The following KNG1 variants were observed in gnomAD, a reference collection of about 807,000 sequenced individuals.
KNG1 encodes the protein kininogen-1.
Under a neutral mutation model 47.8 loss-of-function variants are expected in KNG1, and 23 were observed. The observed-to-expected ratio is 0.48, with a 90% CI of 0.35 to 0.68. The LOEUF is 0.68. KNG1 is among the 30% of genes least tolerant of loss of function. The pLI is 0.01. For missense variants in KNG1, 762 were observed against 790.2 expected, an observed-to-expected ratio of 0.96 and a Z score of 0.43; for synonymous variants, 277 against 277.0, an observed-to-expected ratio of 1.00 and a Z score of 0.00.
chr3:186,735,537 A>G (rs1720650480), intron 7 of KNG1, among the ~76,000 whole-genome samples: 1 of 151,848 alleles, frequency 6.6e-6, no homozygotes, highest in South Asian at 2.1e-4. Flanking sequence ...AGAATCACTT[A>G]AACTCGGGAG....
rs1182343790 is a variant in KNG1 at position 186,725,631 on chromosome 3, G to A, written c.564+371G>A. On this transcript the variant is annotated intron_variant, in intron 4 of 9. Transcript: ENST00000644859. Reference sequence around the variant, plus strand: ...GCGATCTCGGCTCACTGCAAGCTCCGCCTCCTGGGTTCAGGCCATTCTCCT... The same window carrying A: ...GCGATCTCGGCTCACTGCAAGCTCCACCTCCTGGGTTCAGGCCATTCTCCT... 1.4e-4 allele frequency among the ~76,000 whole-genome samples: 20 copies of A among 143,244 alleles called. No individual in the cohort carries two copies. In the Admixed American group the frequency reaches 1.5e-3, roughly 11 times the overall value. The allele number at this position is 143,244 out of a possible 152,430, so 94.0% of individuals were successfully genotyped here.
intron 5 of KNG1, among the ~76,000 whole-genome samples, chr3:186,730,683 A>AATATAT (rs200151975): frequency 2.6e-5 from 1 of 39,144 alleles, no homozygotes; most frequent in Non-Finnish European, 4.4e-5. Flanking sequence ...AAAAAAAAAA[A>AATATAT]ATATATATAT....
At position 186,742,379 on chromosome 3, in the gene KNG1, A is replaced by ATCCC; in HGVS notation, c.*51_*54dup. 1 of 1,607,804 alleles carries ATCCC rather than the reference A, an allele frequency of 6.2e-7. No homozygotes were observed. The highest frequency in any genetic ancestry group is 1.1e-5 in the South Asian group (1 of 90,788). ...TTTCATACTTTATTAAAGTATCAAT[A>ATCCC]TCCCTCTCTCCATTGTCCAGATGAA... On this transcript the variant is annotated 3_prime_UTR_variant, in exon 10 of 10. Transcript: ENST00000644859.
chr3:186,742,200 C>G lies in KNG1; in HGVS notation c.1804C>G (p.Pro602Ala), dbSNP rs769933064. The change falls in exon 10 of 10, where the codon CCA (proline) becomes GCA (alanine). Residue 602 changes from proline (P) to alanine (A), a missense_variant. Coordinates refer to ENST00000644859, the MANE Select transcript of KNG1 (RefSeq NM_001102416.3). ...AGACCCAAATGGCCTTTCATTTAACCCAATATCAGATTTTCCAGACACGAC... is the reference window on the plus strand; with the variant it reads ...AGACCCAAATGGCCTTTCATTTAACGCAATATCAGATTTTCCAGACACGAC... Reference protein sequence around the residue: ...QIDPNGLSFNPISDFPDTTSP... With the variant: ...QIDPNGLSFNAISDFPDTTSP... The G allele has an allele frequency of 3.7e-6, 6 of 1,614,012 alleles. No individual in the cohort carries two copies. In the Admixed American group the frequency reaches 6.7e-5, roughly 18 times the overall value.
chr3:186,740,644 G>A (rs1720786600), intron 9 of KNG1, among the ~76,000 whole-genome samples: 1 of 152,156 alleles, frequency 6.6e-6, no homozygotes, highest in Non-Finnish European at 1.5e-5. Context: ...TTGGTCTTTT[G>A]TCATGTGTAG....
In KNG1 at chr3:186,742,688, A is replaced by G. The variant is rs1389587502; in HGVS notation, c.*357A>G. ...CATACAAAGATTCTTGTCATTCTTA[A>G]TAAACTGTGGCACTTGGTATTTGAA... On this transcript the variant is annotated 3_prime_UTR_variant, in exon 10 of 10. Transcript: ENST00000644859. 1 of 1,060,068 alleles carries G rather than the reference A, an allele frequency of 9.4e-7. No homozygotes were observed. The highest frequency in any genetic ancestry group is 5.0e-5 in the Admixed American group (1 of 20,136). 65.7% of individuals were successfully genotyped at this position (1,060,068 alleles called of 1,614,324 possible). A position where few individuals can be genotyped will look rare whatever the true frequency, so the allele number is the denominator to read the frequency against.
At chr3:186,732,433 G>T in intron 6 of KNG1, 69 bp from the exon 7 acceptor site, 5 of 1,447,856 alleles carry the variant, frequency 3.5e-6, no homozygotes, top group Non-Finnish European at 4.9e-6. Context: ...GCTGGTTCTT[G>T]TGCAGGAGGG....
chr3:186,719,705 G>T (rs1469265405), intron 1 of KNG1, among the ~76,000 whole-genome samples: 1 of 150,898 alleles, frequency 6.6e-6, no homozygotes, highest in Non-Finnish European at 1.5e-5. Context: ...CTCCAGCCTG[G>T]GCGACAGAGC....
intron 6 of KNG1, 132 bp downstream of exon 6, chr3:186,731,761 T>A: frequency 2.9e-6 from 2 of 700,922 alleles, no homozygotes; most frequent in South Asian, 3.0e-5. Flanking sequence ...CAGACACAGA[T>A]GCACCCCTTG....
In KNG1 at chr3:186,730,728, A is replaced by G. The variant is rs1455185305; in HGVS notation, c.673-817A>G. On this transcript the variant is annotated intron_variant, in intron 5 of 9. Transcript: ENST00000644859. Reference sequence around the variant, plus strand: ...TATATATATATATACACACACACACACATATATATATACACATATATATAT... The same window carrying G: ...TATATATATATATACACACACACACGCATATATATATACACATATATATAT... Among the ~76,000 whole-genome samples, 8 of 53,060 alleles carry G rather than the reference A, an allele frequency of 1.5e-4. No individual in the cohort carries two copies. The East Asian group carries it at 4.5e-3, about 30-fold the overall frequency. The allele number at this position is 53,060 out of a possible 152,430, so 34.8% of individuals were successfully genotyped here. A position where few individuals can be genotyped will look rare whatever the true frequency, so the allele number is the denominator to read the frequency against.
rs370984596 is a variant in KNG1, at chr3:186,725,092, G to A, written c.396G>A (p.Glu132=). The change falls in exon 4 of 10, where the codon GAG becomes GAA. Residue 132 remains glutamate, a synonymous_variant. Coordinates refer to ENST00000644859, the MANE Select transcript of KNG1 (RefSeq NM_001102416.3). ...ATQTCQITPA[E]GPVVTAQYDC... ...TTTTGTCTGCTCTTTGTTAAGCCGAGGGCCCTGTGGTGACAGCCCAGTACG... is the reference window on the plus strand; with the variant it reads ...TTTTGTCTGCTCTTTGTTAAGCCGAAGGCCCTGTGGTGACAGCCCAGTACG... 12 of 1,613,858 alleles carry A rather than the reference G, an allele frequency of 7.4e-6. No homozygotes were observed. The Admixed American group carries it at 8.3e-5, about 11-fold the overall frequency.
In KNG1 at chr3:186,734,892, G is replaced by A. The variant is rs191075373; in HGVS notation, c.930+2218G>A. The A allele has an allele frequency of 7.0e-4, 107 of 152,172 alleles. 1 individual carries two copies. Among genetic ancestry groups the A allele is most frequent in the African/African-American group, 2.5e-3 (104 of 41,526 alleles). The allele number at this position is 152,172 out of a possible 1,614,324, so 9.4% of individuals were successfully genotyped here. On this transcript the variant is annotated intron_variant, in intron 7 of 9. Coordinates refer to ENST00000644859, the MANE Select transcript of KNG1 (RefSeq NM_001102416.3). The stretch of plus-strand genomic sequence containing the variant: ...GTCATAGTGGTGATTTTTAGGTGAT[G>A]GAATAACACTACTTTAATCTTTCTA...
At position 186,742,112 on chromosome 3, in the gene KNG1, G is replaced by C; in HGVS notation, c.1716G>C (p.Met572Ile). 1 of 1,614,066 alleles carries C rather than the reference G, an allele frequency of 6.2e-7. No homozygotes were observed. The highest frequency in any genetic ancestry group is 8.5e-7 in the Non-Finnish European group (1 of 1,180,010). ...DFQDSDLIAT[M>I]MPPISPAPIQ... The stretch of plus-strand genomic sequence containing the variant: ...AGGACTCTGATCTCATTGCAACTAT[G>C]ATGCCTCCTATATCACCAGCTCCCA... The change falls in exon 10 of 10, where the codon ATG (methionine) becomes ATC (isoleucine). Residue 572 changes from methionine (M) to isoleucine (I), a missense_variant. Coordinates refer to ENST00000644859, the MANE Select transcript of KNG1 (RefSeq NM_001102416.3).
chr3:186,742,598 A>G lies in KNG1; in HGVS notation c.*267A>G, dbSNP rs770654423. On this transcript the variant is annotated 3_prime_UTR_variant, in exon 10 of 10. Coordinates refer to ENST00000644859, the MANE Select transcript of KNG1 (RefSeq NM_001102416.3). ...GTAAACAGACAAACTAATGTGCCGT[A>G]TGGCCTGCTGCAATTGGCTTCTCTG... 7.5e-5 allele frequency: 97 copies of G among 1,289,522 alleles called. No individual in the cohort carries two copies. The highest frequency in any genetic ancestry group is 9.4e-5 in the Non-Finnish European group (95 of 1,015,644). 79.9% of individuals were successfully genotyped at this position (1,289,522 alleles called of 1,614,324 possible).
At position 186,743,818 on chromosome 3, in the gene KNG1, G is replaced by A; in HGVS notation, c.*1487G>A. The A allele has an allele frequency of 6.7e-7, 1 of 1,485,692 alleles. No homozygotes were observed. Among genetic ancestry groups the A allele is most frequent in the Non-Finnish European group, 9.4e-7 (1 of 1,063,070 alleles). The allele number at this position is 1,485,692 out of a possible 1,614,324, so 92.0% of individuals were successfully genotyped here. A position where few individuals can be genotyped will look rare whatever the true frequency, so the allele number is the denominator to read the frequency against. ...GCAGAATCTTCACTCCAGGCACATA[G>A]CCCCAACCACCTCTGCCAGCAACCT... On this transcript the variant is annotated 3_prime_UTR_variant, in exon 10 of 10. Coordinates refer to ENST00000644859, the MANE Select transcript of KNG1 (RefSeq NM_001102416.3).
chr3:186,742,467 A>G lies in KNG1; in HGVS notation c.*136A>G, dbSNP rs186468266. On this transcript the variant is annotated 3_prime_UTR_variant, in exon 10 of 10. Transcript: ENST00000644859. ...CGGAACAGTCTAAAGAGAAGTGGTG[A>G]GACTCCCAGTGGAGACACCATCAGT... The G allele has an allele frequency of 3.3e-6, 5 of 1,497,358 alleles. No homozygotes were observed. In the East Asian group the frequency reaches 1.2e-4, roughly 37 times the overall value. 92.8% of individuals were successfully genotyped at this position (1,497,358 alleles called of 1,614,324 possible).
chr3:186,732,674 G>C lies in KNG1; in HGVS notation c.930G>C (p.Gln310His). 1 of 1,612,044 alleles carries C rather than the reference G, an allele frequency of 6.2e-7. No individual in the cohort carries two copies. The highest frequency in any genetic ancestry group is 8.5e-7 in the Non-Finnish European group (1 of 1,178,132). ...ACAATGTGAAAAAAGCAAGAGTACAGGTGTGTAAACTATACTACAAAAGCA... is the reference window on the plus strand; with the variant it reads ...ACAATGTGAAAAAAGCAAGAGTACACGTGTGTAAACTATACTACAAAAGCA... ...KIDNVKKARV[Q>H]VVAGKKYFID... Residue 310 changes from glutamine (Q) to histidine (H), a missense_variant and splice_region_variant, in exon 7 of 10, where the codon CAG becomes CAC. Gln to His is a conservative substitution (Grantham distance 24, BLOSUM62 0). Transcript: ENST00000644859.
At chr3:186,731,442 A>T in intron 5 of KNG1, 103 bp from the exon 6 acceptor site, 1 of 723,824 alleles carries the variant, frequency 1.4e-6, no homozygotes, top group South Asian at 1.5e-5. Flanking sequence ...CTATGCAATG[A>T]TTTGGAAAGT....
At chr3:186,724,155 G>A (rs574336202) in intron 3 of KNG1, among the ~76,000 whole-genome samples, 5 of 152,238 alleles carry the variant, frequency 3.3e-5, no homozygotes, top group South Asian at 2.1e-4. Flanking sequence ...AGGAATCTCC[G>A]CACTATTTTC....
Sources: allele counts gnomAD v4.1 joint callset (sites outside exome capture counted in the v4.1 genomes callset), GRCh38; gene constraint gnomAD v4.1.1; transcripts MANE v1.5; gene names NCBI Gene and HGNC (gene_info 2026-07-23, HGNC 2026-07-21).